DMXL2: variants seen among roughly 807,000 people sequenced by gnomAD.
The protein encoded by DMXL2 is dmX-like protein 2.
A neutral mutation model predicts 331.1 loss-of-function variants in DMXL2; 103 were observed. The observed-to-expected ratio is 0.31, with a 90% confidence interval of 0.27 to 0.37. The LOEUF (loss-of-function observed/expected upper bound fraction) is 0.37. DMXL2 is among the 10% of genes least tolerant of loss of function. The pLI is 1.00. For synonymous variants in DMXL2, 1,281 were observed against 1,252.1 expected, an observed-to-expected ratio of 1.02 and a Z score of -0.49; for missense variants, 3,171 against 3,642.9, an observed-to-expected ratio of 0.87 and a Z score of 3.33.
At chr15:51,559,412 T>C (rs1334602545) in intron 6 of DMXL2, among the ~76,000 whole-genome samples, 1 of 152,128 alleles carries the variant, frequency 6.6e-6, no homozygotes, top group Non-Finnish European at 1.5e-5. Context: ...ATCAGGGAAA[T>C]GCACTTTAAA....
intron 1 of DMXL2, among the ~76,000 whole-genome samples, chr15:51,608,053 T>C (rs998440532): frequency 2.8e-4 from 43 of 151,898 alleles, no homozygotes; most frequent in African/African-American, 9.7e-4. Context: ...GATGTGGTGG[T>C]GCGCACCTGT....
chr15:51,465,176 G>A (rs898832227), intron 31 of DMXL2, among the ~76,000 whole-genome samples: 45 of 152,090 alleles, frequency 3.0e-4, no homozygotes, highest in Admixed American at 1.3e-3. Context: ...CAGGTGGATC[G>A]TTTGAGCCCA....
chr15:51,587,110 A>C (rs1317468929), intron 1 of DMXL2, among the ~76,000 whole-genome samples: 1 of 152,226 alleles, frequency 6.6e-6, no homozygotes, highest in Admixed American at 6.5e-5. Context: ...AATTTGCTTC[A>C]TAACAAATAA....
intron 1 of DMXL2, among the ~76,000 whole-genome samples, chr15:51,577,065 A>G (rs1267202137): frequency 2.6e-5 from 4 of 152,218 alleles, no homozygotes; most frequent in South Asian, 2.1e-4. Flanking sequence ...GAGTTGGGAC[A>G]TATTTCTTTT....
intron 2 of DMXL2, among the ~76,000 whole-genome samples, chr15:51,571,169 A>G (rs1201196446): frequency 6.6e-6 from 1 of 152,218 alleles, no homozygotes; most frequent in Admixed American, 6.5e-5. Context: ...TAAATCAACA[A>G]AGATCAAAAG....
intron 1 of DMXL2, among the ~76,000 whole-genome samples, chr15:51,592,929 AG>A (rs879628761): frequency 6.6e-6 from 1 of 152,244 alleles, no homozygotes; most frequent in Non-Finnish European, 1.5e-5. Flanking sequence ...AAACATGGAA[AG>A]GAACAACCAG....
In DMXL2 at chr15:51,494,016, A is replaced by G. The variant is rs1372763078; in HGVS notation, c.4783+1008T>C. On this transcript the variant is annotated intron_variant, in intron 19 of 43. Transcript: ENST00000560891. The stretch of plus-strand genomic sequence containing the variant: ...CATTTCTGAAGGGCATTTTGGTAAT[A>G]CTTATCAAGACTGAAGAATTTTCAT... Among the ~76,000 whole-genome samples the G allele has an allele frequency of 2.0e-5, 3 of 152,306 alleles. No homozygotes were observed. The East Asian group carries it at 5.8e-4, about 29-fold the overall frequency.
Position 51,455,135 on chromosome 15 carries a change from A to G in DMXL2, c.8604+16T>C, listed in dbSNP as rs1372402467. 8 of 1,605,274 alleles carry G rather than the reference A, an allele frequency of 5.0e-6. No homozygotes were observed. The African/African-American group carries it at 1.1e-4, about 21-fold the overall frequency. On this transcript the variant is annotated intron_variant, in intron 40 of 43. Transcript: ENST00000560891. ...TGTTGTGTATATGCGCCCTGGGAAC[A>G]TTTAGTGATACTTACCATATAAGGT...
chr15:51,519,625 C>T (rs1362870978), intron 13 of DMXL2, among the ~76,000 whole-genome samples: 1 of 141,848 alleles, frequency 7.0e-6, no homozygotes, highest in East Asian at 2.1e-4. Context: ...CTGGTTTTGA[C>T]AAAGTCTCTT....
At chr15:51,478,822 G>C (rs2041793077) in intron 25 of DMXL2, among the ~76,000 whole-genome samples, 1 of 152,036 alleles carries the variant, frequency 6.6e-6, no homozygotes, top group South Asian at 2.1e-4. Context: ...ATCACTGTGT[G>C]AAACAGCAGA....
intron 6 of DMXL2, among the ~76,000 whole-genome samples, chr15:51,559,015 T>G (rs2049784729): frequency 6.6e-6 from 1 of 152,232 alleles, no homozygotes; most frequent in Non-Finnish European, 1.5e-5. Flanking sequence ...TCACTAGATT[T>G]GCAAAGGAAT....
At chr15:51,451,888 G>A (rs981783519) in intron 41 of DMXL2, among the ~76,000 whole-genome samples, 191 bp from the exon 42 acceptor site, 4 of 152,108 alleles carry the variant, frequency 2.6e-5, no homozygotes, top group Admixed American at 6.5e-5. Context: ...CATCTCACAT[G>A]GTCCTGCCCG....
intron 8 of DMXL2, among the ~76,000 whole-genome samples, chr15:51,544,276 G>A (rs573261548): frequency 9.1e-4 from 138 of 152,240 alleles, no homozygotes; most frequent in Middle Eastern, 3.4e-3. Context: ...TTGCAATAGC[G>A]AGTGAGTTCT....
chr15:51,558,030 T>C (rs1034537489), intron 6 of DMXL2, among the ~76,000 whole-genome samples: 1 of 152,224 alleles, frequency 6.6e-6, no homozygotes, highest in East Asian at 1.9e-4. Context: ...CATCATGCCT[T>C]AGCATTTTGG....
intron 33 of DMXL2, chr15:51,460,320 G>A (rs370134958): frequency 1.2e-5 from 12 of 985,198 alleles, no homozygotes; most frequent in South Asian, 4.7e-5. Flanking sequence ...CTTTCATCAC[G>A]AAGGGCCATT....
intron 1 of DMXL2, among the ~76,000 whole-genome samples, chr15:51,602,586 TC>T: frequency 6.6e-6 from 1 of 152,218 alleles, no homozygotes; most frequent in African/African-American, 2.4e-5. Flanking sequence ...GCTTGTAAAC[TC>T]CCGGGCTCAT....
At chr15:51,456,430 G>A in intron 37 of DMXL2, 61 bp from the exon 38 acceptor site, 1 of 998,774 alleles carries the variant, frequency 1.0e-6, no homozygotes, top group Non-Finnish European at 1.5e-6. Context: ...GGAAGGATAT[G>A]CTTCAGGATA....
chr15:51,497,347 G>GTACA (rs1401942364), intron 18 of DMXL2, among the ~76,000 whole-genome samples: 4 of 152,078 alleles, frequency 2.6e-5, no homozygotes, highest in Non-Finnish European at 5.9e-5. Flanking sequence ...AGTTAAAAGG[G>GTACA]TACAGGCTTT....
chr15:51,545,850 G>T (rs890585610), intron 7 of DMXL2, 84 bp from the exon 8 acceptor site: 39 of 1,138,134 alleles, frequency 3.4e-5, no homozygotes, highest in Non-Finnish European at 4.7e-5. Flanking sequence ...CATGCATAAA[G>T]ATAACATTAG....
Sources: gnomAD v4.1 joint callset for allele counts (sites outside exome capture counted in the v4.1 genomes callset) on GRCh38, gnomAD v4.1.1 for gene constraint, MANE v1.5 for transcripts, NCBI Gene and HGNC (gene_info 2026-07-23, HGNC 2026-07-21) for gene names.